The following SORCS2 variants were observed in gnomAD, a reference collection of about 807,000 sequenced individuals.
The protein encoded by SORCS2 is sortilin related VPS10 domain containing receptor 2, also known as VPS10 domain-containing receptor SorCS2.
In SORCS2, 100 loss-of-function variants were observed where a neutral mutation model predicts 141.6. That is an observed-to-expected ratio of 0.71 (90% confidence interval 0.60 to 0.83). SORCS2 has a LOEUF of 0.83. SORCS2 is among the 40% of genes least tolerant of loss of function. The pLI is 0.00. For synonymous variants in SORCS2, 789 were observed against 676.9 expected (o/e 1.17, Z -2.57); for missense variants, 1,646 against 1,560.2 (o/e 1.05, Z -0.93).
At chr4:7,622,396 A>G (rs952898594) in intron 3 of SORCS2, among the ~76,000 whole-genome samples, 2 of 152,212 alleles carry the variant, frequency 1.3e-5, no homozygotes, top group African/African-American at 4.8e-5. Flanking sequence ...AAACACTTGC[A>G]CAGGCAGCGA....
At chr4:7,239,124 C>T (rs1178927629) in intron 1 of SORCS2, among the ~76,000 whole-genome samples, 1 of 152,252 alleles carries the variant, frequency 6.6e-6, no homozygotes, top group Non-Finnish European at 1.5e-5. Context: ...CTTCAAAGTC[C>T]CTGTCCCTCC....
chr4:7,737,738 T>C (rs1712310559), intron 26 of SORCS2, among the ~76,000 whole-genome samples: 1 of 152,196 alleles, frequency 6.6e-6, no homozygotes, highest in Non-Finnish European at 1.5e-5. Flanking sequence ...CTCAGCGGCG[T>C]AGCATCGTTT....
At chr4:7,321,043 G>A (rs1718865625) in intron 1 of SORCS2, among the ~76,000 whole-genome samples, 1 of 152,078 alleles carries the variant, frequency 6.6e-6, no homozygotes, top group Non-Finnish European at 1.5e-5. Context: ...CCCCTCACCT[G>A]AGCAGTGGAC....
chr4:7,561,384 TC>T (rs1445706389), intron 3 of SORCS2, among the ~76,000 whole-genome samples: 1 of 151,978 alleles, frequency 6.6e-6, no homozygotes, highest in African/African-American at 2.4e-5. Context: ...TTATGTTTGT[TC>T]ATCCATACAT....
intron 3 of SORCS2, among the ~76,000 whole-genome samples, chr4:7,545,143 G>A (rs75587784): frequency 9.5e-4 from 139 of 146,028 alleles, no homozygotes; most frequent in Non-Finnish European, 1.1e-3. Flanking sequence ...GGAGGGAAAA[G>A]AAAAAAAAAA....
At chr4:7,255,038 TGTGAGAGTGAGTGTGTGAGCGTGC>T (rs1452513514) in intron 1 of SORCS2, among the ~76,000 whole-genome samples, 1 of 151,972 alleles carries the variant, frequency 6.6e-6, no homozygotes, top group Non-Finnish European at 1.5e-5. Context: ...AGCATGAGTG[TGTGAGAGTGAGTGTGTGAGCGTGC>T]GTGAGAGAGT....
intron 8 of SORCS2, among the ~76,000 whole-genome samples, chr4:7,674,091 C>A (rs1722953848): frequency 6.6e-6 from 1 of 152,162 alleles, no homozygotes; most frequent in Admixed American, 6.5e-5. Context: ...CCTCCGTGGG[C>A]TCTGCATCAC....
intron 3 of SORCS2, among the ~76,000 whole-genome samples, chr4:7,609,861 G>T (rs16840631): frequency 0.029 from 4,430 of 152,312 alleles, 89 homozygotes; most frequent in Middle Eastern, 0.048. Flanking sequence ...TGTGGAGTCT[G>T]CCTAACCCCA....
intron 1 of SORCS2, among the ~76,000 whole-genome samples, chr4:7,327,379 G>C (rs1017245144): frequency 6.6e-6 from 1 of 152,216 alleles, no homozygotes; most frequent in Non-Finnish European, 1.5e-5. Context: ...GCCCCTCCCT[G>C]TGTGTCTCTG....
chr4:7,375,152 C>G (rs1722557168), intron 1 of SORCS2, among the ~76,000 whole-genome samples: 1 of 152,198 alleles, frequency 6.6e-6, no homozygotes, highest in Non-Finnish European at 1.5e-5. Flanking sequence ...GCATCACCCT[C>G]TCTGGGTCAT....
intron 3 of SORCS2, among the ~76,000 whole-genome samples, chr4:7,577,712 T>C (rs1282039971): frequency 6.7e-6 from 1 of 149,512 alleles, no homozygotes; most frequent in African/African-American, 2.5e-5. Context: ...GGAGAAGTTA[T>C]ATAGCATACA....
intron 1 of SORCS2, among the ~76,000 whole-genome samples, chr4:7,238,301 G>A (rs4689096): frequency 0.3 from 45,699 of 150,052 alleles, 7,300 homozygotes; most frequent in East Asian, 0.48. Context: ...GGGGGGGGTT[G>A]CTGGTACTGC....
intron 2 of SORCS2, among the ~76,000 whole-genome samples, chr4:7,485,956 G>A (rs1213397940): frequency 6.6e-6 from 1 of 152,306 alleles, no homozygotes; most frequent in Admixed American, 6.5e-5. Context: ...AACCCAGCGG[G>A]CTGGGGGCAC....
chr4:7,667,862 G>C (rs994656441), intron 8 of SORCS2, among the ~76,000 whole-genome samples: 2 of 152,196 alleles, frequency 1.3e-5, no homozygotes, highest in Non-Finnish European at 2.9e-5. Flanking sequence ...CAGAGGAGGT[G>C]ATGGAAGTTC....
chr4:7,569,985 G>C (rs1350487904), intron 3 of SORCS2, among the ~76,000 whole-genome samples: 6 of 152,176 alleles, frequency 3.9e-5, no homozygotes, highest in Non-Finnish European at 1.5e-5. Flanking sequence ...TTGTTCTTCA[G>C]CTCTCCTGGG....
intron 2 of SORCS2, among the ~76,000 whole-genome samples, chr4:7,479,423 A>G (rs1269356908): frequency 2.0e-5 from 3 of 152,048 alleles, no homozygotes; most frequent in Non-Finnish European, 4.4e-5. Flanking sequence ...CTCCAATTAG[A>G]CAGGACATCC....
Position 7,433,319 on chromosome 4 carries a change from C to G in SORCS2, c.548+36964C>G, listed in dbSNP as rs1056786507. ...TGGGTCTCTGGCAGCCACGGTCACG[C>G]GTGTTCCCCAGCGTGGAGGTGCATC... On this transcript the variant is annotated intron_variant, in intron 2 of 26. Coordinates refer to ENST00000507866, the MANE Select transcript of SORCS2 (RefSeq NM_020777.3). The G allele has an allele frequency of 2.8e-6, 4 of 1,406,170 alleles. 1 individual carries two copies. Among genetic ancestry groups the G allele is most frequent in the Non-Finnish European group, 3.7e-6 (4 of 1,076,992 alleles). The allele number at this position is 1,406,170 out of a possible 1,614,324, so 87.1% of individuals were successfully genotyped here. A position where few individuals can be genotyped will look rare whatever the true frequency, so the allele number is the denominator to read the frequency against.
chr4:7,647,590 G>C (rs1160286975), intron 4 of SORCS2, among the ~76,000 whole-genome samples: 3 of 152,204 alleles, frequency 2.0e-5, no homozygotes, highest in Non-Finnish European at 4.4e-5. Flanking sequence ...TTGTGACAGT[G>C]GTGGGGTCTG....
At position 7,671,906 on chromosome 4, in the gene SORCS2, C is replaced by G. The variant is rs142522541; in HGVS notation, c.1162-4144C>G. On this transcript the variant is annotated intron_variant, in intron 8 of 26. Transcript: ENST00000507866. ...AATGATAAACACAAAGAGATCCACA[C>G]CAAGACACATAACCAAACTGTCAAA... Among the ~76,000 whole-genome samples, 69 of 151,796 alleles carry G rather than the reference C, an allele frequency of 4.5e-4. No homozygotes were observed. The East Asian group carries it at 8.5e-3, about 19-fold the overall frequency.
Sources: allele counts gnomAD v4.1 joint callset (sites outside exome capture counted in the v4.1 genomes callset), GRCh38; gene constraint gnomAD v4.1.1; transcripts MANE v1.5; gene names NCBI Gene and HGNC (gene_info 2026-07-23, HGNC 2026-07-21).